The following FOXP2 variants were observed in gnomAD, a reference collection of about 807,000 sequenced individuals.
The protein encoded by FOXP2 is forkhead box P2, also known as forkhead box protein P2.
A neutral mutation model predicts 115.8 loss-of-function variants in FOXP2; 12 were observed. The observed-to-expected ratio is 0.10, with a 90% CI of 0.07 to 0.17. The LOEUF is 0.17. FOXP2 is among the 10% of genes least tolerant of loss of function. FOXP2 has a pLI of 1.00. For missense variants in FOXP2, 629 were observed against 843.5 expected, an observed-to-expected ratio of 0.75 and a Z score of 3.15; for synonymous variants, 328 against 297.7, an observed-to-expected ratio of 1.10 and a Z score of -1.05.
At chr7:114,306,779 G>A (rs1489437823) in intron 2 of FOXP2, among the ~76,000 whole-genome samples, 3 of 151,976 alleles carry the variant, frequency 2.0e-5, no homozygotes, top group South Asian at 2.1e-4. Context: ...GGAAGAATCC[G>A]ATTTCTAGCC....
intron 3 of FOXP2, among the ~76,000 whole-genome samples, chr7:114,623,999 T>C (rs1804394418): frequency 6.6e-6 from 1 of 151,974 alleles, no homozygotes; most frequent in African/African-American, 2.4e-5. Flanking sequence ...CAGTTCTTTT[T>C]AATACCATAA....
rs565650603 is a variant in FOXP2, at chr7:114,623,918, A to G, written c.259-4622A>G. On this transcript the variant is annotated intron_variant, in intron 3 of 16. Coordinates refer to ENST00000350908, the MANE Select transcript of FOXP2 (RefSeq NM_014491.4). ...CGTTAAATAGCAATATGCACTGTCC[A>G]TCCCAGATCTCTTTAAATACTCCTG... is the stretch of plus-strand genomic sequence containing the variant. 9.9e-5 allele frequency among the ~76,000 whole-genome samples: 15 copies of G among 152,014 alleles called. No individual in the cohort carries two copies. The South Asian group carries it at 2.9e-3, about 29-fold the overall frequency.
chr7:114,201,638 G>T (rs1454830400), intron 1 of FOXP2, among the ~76,000 whole-genome samples: 1 of 152,052 alleles, frequency 6.6e-6, no homozygotes, highest in Admixed American at 6.6e-5. Flanking sequence ...ACAATCAAAA[G>T]ATTAACTTTG....
At chr7:114,412,794 G>C (rs747780323), upstream of FOXP2, among the ~76,000 whole-genome samples, 5 of 152,152 alleles carry the variant, frequency 3.3e-5, no homozygotes, top group East Asian at 9.7e-4. Flanking sequence ...ATAGTTAGGG[G>C]GTTGCTATGG....
chr7:114,684,897 TA>T (rs1162149427), intron 16 of FOXP2, among the ~76,000 whole-genome samples: 1 of 152,202 alleles, frequency 6.6e-6, no homozygotes, highest in Non-Finnish European at 1.5e-5. Context: ...CATGAAACTG[TA>T]ATATACTAGT....
chr7:114,387,722 C>A (rs1475934315), intron 2 of FOXP2, among the ~76,000 whole-genome samples: 1 of 152,090 alleles, frequency 6.6e-6, no homozygotes, highest in Non-Finnish European at 1.5e-5. Flanking sequence ...TAAAAAAATT[C>A]TTATAAATTA....
chr7:114,270,979 G>C (rs1319207541), intron 1 of FOXP2, among the ~76,000 whole-genome samples: 1 of 149,398 alleles, frequency 6.7e-6, no homozygotes, highest in East Asian at 2.0e-4. Context: ...TTTTTTTTTT[G>C]TATGTGGATG....
At chr7:114,599,271 C>T (rs982304335) in intron 3 of FOXP2, among the ~76,000 whole-genome samples, 15 of 151,986 alleles carry the variant, frequency 9.9e-5, no homozygotes, top group African/African-American at 3.1e-4. Flanking sequence ...CAAGGGTTTT[C>T]GTCTAAACAA....
At chr7:114,123,207 T>C (rs920996066) in intron 1 of FOXP2, among the ~76,000 whole-genome samples, 2 of 151,702 alleles carry the variant, frequency 1.3e-5, no homozygotes, top group African/African-American at 4.8e-5. Context: ...TTAAAATCAT[T>C]AGTCAGGCAT....
intron 2 of FOXP2, among the ~76,000 whole-genome samples, chr7:114,452,762 G>A (rs955197900): frequency 6.6e-6 from 1 of 152,054 alleles, no homozygotes; most frequent in African/African-American, 2.4e-5. Context: ...TGAATATACT[G>A]AATATGGGGA....
intron 2 of FOXP2, among the ~76,000 whole-genome samples, chr7:114,318,010 G>A (rs1421255121): frequency 6.6e-6 from 1 of 152,052 alleles, no homozygotes; most frequent in Non-Finnish European, 1.5e-5. Flanking sequence ...CACCATAAGG[G>A]CAGCCCTGAC....
At chr7:114,293,850 T>C (rs1473492849) in intron 2 of FOXP2, among the ~76,000 whole-genome samples, 1 of 152,182 alleles carries the variant, frequency 6.6e-6, no homozygotes, top group Non-Finnish European at 1.5e-5. Flanking sequence ...GTTTGAGGTA[T>C]TTCTTCATAG....
At chr7:114,552,423 T>G (rs1800254867) in intron 3 of FOXP2, among the ~76,000 whole-genome samples, 1 of 152,178 alleles carries the variant, frequency 6.6e-6, no homozygotes, top group African/African-American at 2.4e-5. Context: ...GCTCTAAAAT[T>G]TTGTTATCTC....
At chr7:114,154,236 C>T (rs192765132) in intron 1 of FOXP2, among the ~76,000 whole-genome samples, 12 of 152,162 alleles carry the variant, frequency 7.9e-5, no homozygotes, top group African/African-American at 2.6e-4. Context: ...AATGTCTAGA[C>T]TATGAACTGA....
chr7:114,617,940 C>A (rs1412502569), intron 3 of FOXP2, among the ~76,000 whole-genome samples: 2 of 152,212 alleles, frequency 1.3e-5, no homozygotes, highest in Non-Finnish European at 2.9e-5. Flanking sequence ...CTTGCCATTG[C>A]ACAAAACCAT....
chr7:114,642,803 TATATA>T (rs1474448185), intron 7 of FOXP2, among the ~76,000 whole-genome samples, 180 bp downstream of exon 7: 990 of 45,722 alleles, frequency 0.022, 30 homozygotes, highest in Middle Eastern at 0.05. Flanking sequence ...TATATATATA[TATATA>T]TATATTTTTT....
At chr7:114,508,968 G>A (rs765116804) in intron 2 of FOXP2, among the ~76,000 whole-genome samples, 4 of 152,096 alleles carry the variant, frequency 2.6e-5, no homozygotes, top group Non-Finnish European at 5.9e-5. Flanking sequence ...CTATTATGAG[G>A]AACATTATTA....
intron 2 of FOXP2, among the ~76,000 whole-genome samples, chr7:114,405,118 A>G (rs1289698202): frequency 2.0e-5 from 3 of 151,704 alleles, no homozygotes; most frequent in Non-Finnish European, 4.4e-5. Context: ...GTGGCCCCCT[A>G]TTAAGTGGTA....
chr7:114,441,293 C>T (rs984154114), intron 2 of FOXP2, among the ~76,000 whole-genome samples: 1 of 150,676 alleles, frequency 6.6e-6, no homozygotes, highest in Non-Finnish European at 1.5e-5. Flanking sequence ...ACTAAAAATA[C>T]AAAAAAAAAT....
Sources: gnomAD v4.1 joint callset for allele counts (sites outside exome capture counted in the v4.1 genomes callset) on GRCh38, gnomAD v4.1.1 for gene constraint, MANE v1.5 for transcripts, NCBI Gene and HGNC (gene_info 2026-07-23, HGNC 2026-07-21) for gene names.